The following SYN3 variants were observed in gnomAD, a reference collection of about 807,000 sequenced individuals.
SYN3 encodes synapsin III.
A neutral mutation model predicts 65.8 loss-of-function variants in SYN3; 35 were observed. The observed-to-expected ratio is 0.53, with a 90% confidence interval of 0.41 to 0.70. The LOEUF is 0.70. Ranked by LOEUF, SYN3 falls within the 30% of genes least tolerant of loss-of-function variation. The pLI is 0.00. For missense variants in SYN3, 680 were observed against 749.0 expected (o/e 0.91, Z 1.08); for synonymous variants, 270 against 292.9 (o/e 0.92, Z 0.80).
intron 6 of SYN3, among the ~76,000 whole-genome samples, chr22:32,766,569 G>A (rs8135298): frequency 0.016 from 2,481 of 152,208 alleles, 58 homozygotes; most frequent in African/African-American, 0.056. Context: ...CTATTGCATC[G>A]CACAGCCAAT....
At chr22:32,920,425 C>T (rs898140201) in intron 4 of SYN3, among the ~76,000 whole-genome samples, 10 of 152,292 alleles carry the variant, frequency 6.6e-5, no homozygotes, top group Admixed American at 2.6e-4. Flanking sequence ...GGGATGGCCC[C>T]TGCTCTGCTT....
chr22:32,646,711 G>A (rs1382942780), intron 6 of SYN3, among the ~76,000 whole-genome samples: 1 of 152,202 alleles, frequency 6.6e-6, no homozygotes, highest in Non-Finnish European at 1.5e-5. Flanking sequence ...GTCAAGGATT[G>A]AGGCACTTCT....
chr22:32,949,202 CAGG>C (rs1364347855), intron 3 of SYN3, among the ~76,000 whole-genome samples: 2 of 151,990 alleles, frequency 1.3e-5, no homozygotes, highest in African/African-American at 4.8e-5. Context: ...CACTTGAAGC[CAGG>C]AGTTTAAGAC....
intron 4 of SYN3, among the ~76,000 whole-genome samples, chr22:32,921,709 AATT>A (rs1437526133): frequency 4.1e-4 from 62 of 152,258 alleles, no homozygotes; most frequent in African/African-American, 1.2e-3. Flanking sequence ...GGGCTATAAT[AATT>A]ATTATTACAC....
At chr22:32,973,758 A>T (rs1489586162) in intron 3 of SYN3, among the ~76,000 whole-genome samples, 1 of 152,148 alleles carries the variant, frequency 6.6e-6, no homozygotes, top group Non-Finnish European at 1.5e-5. Context: ...TCTGAGCCCC[A>T]GCTTCTTCAT....
chr22:32,949,257 A>G (rs2051211322), intron 3 of SYN3, among the ~76,000 whole-genome samples: 1 of 152,004 alleles, frequency 6.6e-6, no homozygotes, highest in African/African-American at 2.4e-5. Context: ...CTTTTTAAAA[A>G]ATTAGCCAGG....
intron 6 of SYN3, among the ~76,000 whole-genome samples, chr22:32,653,267 A>G (rs2060098178): frequency 9.8e-6 from 1 of 102,026 alleles, no homozygotes; most frequent in Admixed American, 1.4e-4. Flanking sequence ...CCTTAAAAGA[A>G]AAAAAAAAAA....
At chr22:32,585,905 T>TATAC (rs1289502779) in intron 7 of SYN3, among the ~76,000 whole-genome samples, 3 of 62,184 alleles carry the variant, frequency 4.8e-5, no homozygotes, top group African/African-American at 1.1e-4. Flanking sequence ...CGTATATATG[T>TATAC]GTATGTATAC....
At chr22:32,769,579 C>T (rs902895386) in intron 6 of SYN3, among the ~76,000 whole-genome samples, 20 of 150,032 alleles carry the variant, frequency 1.3e-4, no homozygotes, top group East Asian at 3.9e-4. Context: ...TACAGTGGCG[C>T]GATCTCGGCT....
At chr22:32,641,127 C>T (rs1231049783) in intron 6 of SYN3, among the ~76,000 whole-genome samples, 1 of 152,160 alleles carries the variant, frequency 6.6e-6, no homozygotes, top group African/African-American at 2.4e-5. Flanking sequence ...TGAGAAACAC[C>T]TCAATACATT....
intron 4 of SYN3, among the ~76,000 whole-genome samples, chr22:32,877,324 A>C (rs2049009923): frequency 6.6e-6 from 1 of 152,202 alleles, no homozygotes; most frequent in Non-Finnish European, 1.5e-5. Flanking sequence ...AACAAGGAAA[A>C]CCTACCATGA....
chr22:32,567,977 A>G (rs1197468694), intron 7 of SYN3, among the ~76,000 whole-genome samples: 1 of 152,186 alleles, frequency 6.6e-6, no homozygotes, highest in African/African-American at 2.4e-5. Flanking sequence ...GAAGCTTGCT[A>G]ATGAGGATGA....
At chr22:32,737,012 C>A (rs557240093) in intron 6 of SYN3, among the ~76,000 whole-genome samples, 15 of 152,250 alleles carry the variant, frequency 9.9e-5, no homozygotes, top group African/African-American at 3.6e-4. Flanking sequence ...ACACCAGCCA[C>A]AGAAAAACAG....
chr22:32,654,024 CAGA>C (rs957342901), intron 6 of SYN3, among the ~76,000 whole-genome samples: 8 of 152,198 alleles, frequency 5.3e-5, no homozygotes, highest in African/African-American at 1.4e-4. Flanking sequence ...GGACCAGGGA[CAGA>C]AGAAGATCTT....
At chr22:32,616,646 CA>C (rs113419867) in intron 6 of SYN3, among the ~76,000 whole-genome samples, 12,164 of 152,066 alleles carry the variant, frequency 0.08, 682 homozygotes, top group East Asian at 0.28. Context: ...CTCTGGGGGA[CA>C]CAGAAAGGAC....
intron 7 of SYN3, among the ~76,000 whole-genome samples, chr22:32,586,013 C>T (rs904021199): frequency 3.4e-5 from 4 of 117,052 alleles, no homozygotes; most frequent in African/African-American, 6.9e-5. Flanking sequence ...TGTATGTATA[C>T]GTATATATGT....
At chr22:32,778,382 G>A (rs1334706484) in intron 6 of SYN3, among the ~76,000 whole-genome samples, 1 of 152,078 alleles carries the variant, frequency 6.6e-6, no homozygotes, top group Non-Finnish European at 1.5e-5. Flanking sequence ...TCCGACTTCC[G>A]AGTTCAAGCA....
chr22:32,795,758 G>C (rs1397117957), intron 6 of SYN3, among the ~76,000 whole-genome samples: 1 of 152,164 alleles, frequency 6.6e-6, no homozygotes, highest in East Asian at 1.9e-4. Flanking sequence ...TAGATGGAGA[G>C]GTAGAAAGCA....
intron 3 of SYN3, among the ~76,000 whole-genome samples, chr22:32,977,741 CAAAA>C (rs35038035): frequency 2.2e-5 from 2 of 89,824 alleles, no homozygotes. Context: ...AGACTGTCTC[CAAAA>C]AAAAAAAAAA....
Sources: allele counts gnomAD v4.1 joint callset (sites outside exome capture counted in the v4.1 genomes callset), GRCh38; gene constraint gnomAD v4.1.1; transcripts MANE v1.5; gene names NCBI Gene and HGNC (gene_info 2026-07-23, HGNC 2026-07-21).